Variants in PLCL1 observed in about 807,000 individuals in gnomAD.
PLCL1 encodes inactive phospholipase C-like protein 1.
A neutral mutation model predicts 84.4 loss-of-function variants in PLCL1; 41 were observed. The observed-to-expected ratio is 0.49, with a 90% CI of 0.38 to 0.63. The LOEUF (loss-of-function observed/expected upper bound fraction) is 0.63. Among genes scored for constraint, PLCL1 ranks in the 30% least tolerant of loss-of-function variants. The probability of loss-of-function intolerance (pLI) is 0.00; values close to 1 mark genes in which losing one functional copy is unlikely to be tolerated. For missense variants in PLCL1, 1,206 were observed against 1,367.8 expected (o/e 0.88, Z 1.87); for synonymous variants, 490 against 488.3 (o/e 1.00, Z -0.05).
intron 2 of PLCL1, among the ~76,000 whole-genome samples, chr2:198,086,655 G>A (rs1032426397): frequency 6.6e-6 from 1 of 152,122 alleles, no homozygotes; most frequent in African/African-American, 2.4e-5. Context: ...GTGTAAACCT[G>A]TGTACCATTG....
intron 1 of PLCL1, among the ~76,000 whole-genome samples, chr2:197,939,213 T>A (rs1350867412): frequency 6.6e-6 from 1 of 152,182 alleles, no homozygotes; most frequent in East Asian, 1.9e-4. Context: ...AAGCAACTGC[T>A]GCTTTCCTAA....
At chr2:198,089,923 T>C (rs2105902708) in intron 3 of PLCL1, among the ~76,000 whole-genome samples, 1 of 152,306 alleles carries the variant, frequency 6.6e-6, no homozygotes, top group Admixed American at 6.5e-5. Context: ...TTTTTTCTCT[T>C]TAAAAATAGT....
intron 5 of PLCL1, among the ~76,000 whole-genome samples, chr2:198,116,061 A>G (rs116018277): frequency 0.021 from 3,124 of 149,702 alleles, 94 homozygotes; most frequent in African/African-American, 0.072. Context: ...ATATATGTAT[A>G]TGTGTACATA....
chr2:197,922,796 C>A (rs1182349401), intron 1 of PLCL1, among the ~76,000 whole-genome samples: 3 of 131,608 alleles, frequency 2.3e-5, no homozygotes, highest in East Asian at 2.7e-4. Flanking sequence ...CCACCTCCCT[C>A]CCGGACGGGG....
chr2:197,956,842 T>G (rs896850694), intron 1 of PLCL1, among the ~76,000 whole-genome samples: 2 of 152,156 alleles, frequency 1.3e-5, no homozygotes, highest in Non-Finnish European at 1.5e-5. Flanking sequence ...ATGGGTAGAT[T>G]GCAAAAATTT....
At position 198,063,695 on chromosome 2, in the gene PLCL1, C is replaced by T. The variant is rs919919599; in HGVS notation, c.241-20063C>T. On this transcript the variant is annotated intron_variant, in intron 1 of 5. Transcript: ENST00000428675. ...ACATGACTAATGACATATTTGTAAA[C>T]TTAGTTTTCTAAGAAAGAAACATAG... 6.6e-5 allele frequency among the ~76,000 whole-genome samples: 10 copies of T among 152,126 alleles called. 1 individual carries two copies. The highest frequency in any genetic ancestry group is 2.4e-4 in the African/African-American group (10 of 41,416).
intron 1 of PLCL1, among the ~76,000 whole-genome samples, chr2:197,855,441 C>T (rs1412075764): frequency 1.3e-5 from 2 of 152,116 alleles, no homozygotes; most frequent in Non-Finnish European, 2.9e-5. Flanking sequence ...TTTGCTATGC[C>T]TTTGTCTGAT....
chr2:197,835,386 A>G (rs1691164768), intron 1 of PLCL1, among the ~76,000 whole-genome samples: 1 of 152,202 alleles, frequency 6.6e-6, no homozygotes, highest in African/African-American at 2.4e-5. Flanking sequence ...TAGTATATTC[A>G]CATTGTTATA....
chr2:197,850,325 C>G (rs1687210189), intron 1 of PLCL1, among the ~76,000 whole-genome samples: 1 of 152,152 alleles, frequency 6.6e-6, no homozygotes, highest in Non-Finnish European at 1.5e-5. Flanking sequence ...CCAGTTCAGA[C>G]AGTGAGCTAA....
At position 198,084,006 on chromosome 2, in the gene PLCL1, AAAAGAG is replaced by A; in HGVS notation, c.491_496del (p.Lys164_Glu165del). ...AAGCCAAGCTTGATATTTCTGCCATAAAAGAGATCAGACTGGGGAAAAACACGGAAA... is the reference window on the plus strand; with the variant it reads ...AAGCCAAGCTTGATATTTCTGCCATAATCAGACTGGGGAAAAACACGGAAA... On this transcript the variant is annotated inframe_deletion, in exon 2 of 6. Coordinates refer to ENST00000428675, the MANE Select transcript of PLCL1 (RefSeq NM_006226.4). 3 of 1,614,210 alleles carry A rather than the reference AAAAGAG, an allele frequency of 1.9e-6. No homozygotes were observed. The highest frequency in any genetic ancestry group is 2.5e-6 in the Non-Finnish European group (3 of 1,180,014).
chr2:198,042,324 G>A (rs1320455080), intron 1 of PLCL1, among the ~76,000 whole-genome samples: 1 of 152,130 alleles, frequency 6.6e-6, no homozygotes, highest in Admixed American at 6.5e-5. Flanking sequence ...ACCAACCTCT[G>A]TTTATGTAAA....
intron 5 of PLCL1, among the ~76,000 whole-genome samples, chr2:198,119,495 T>C (rs1693821589): frequency 6.6e-6 from 1 of 151,934 alleles, no homozygotes; most frequent in Admixed American, 6.6e-5. Context: ...GTTTTGGGAT[T>C]CCATGCCTTC....
At chr2:197,822,337 CT>C (rs1394362326) in intron 1 of PLCL1, among the ~76,000 whole-genome samples, 1 of 152,140 alleles carries the variant, frequency 6.6e-6, no homozygotes, top group Admixed American at 6.5e-5. Context: ...TGAAAAAATT[CT>C]TACGTTGAGC....
intron 3 of PLCL1, among the ~76,000 whole-genome samples, chr2:198,100,055 A>G (rs958839825): frequency 8.5e-5 from 13 of 152,186 alleles, no homozygotes; most frequent in Non-Finnish European, 1.5e-4. Context: ...GTTCAAAAAG[A>G]TAATTACAAG....
chr2:198,006,744 T>G (rs546463570), intron 1 of PLCL1, among the ~76,000 whole-genome samples: 71 of 152,320 alleles, frequency 4.7e-4, no homozygotes, highest in African/African-American at 1.6e-3. Context: ...ATTTCAAGAA[T>G]GAGACTAGAG....
intron 1 of PLCL1, among the ~76,000 whole-genome samples, chr2:198,070,694 A>T (rs963135781): frequency 1.3e-5 from 2 of 151,952 alleles, no homozygotes; most frequent in Non-Finnish European, 2.9e-5. Context: ...ATTTTAATAA[A>T]AATAATTTCA....
chr2:198,045,457 A>G (rs1691764967), intron 1 of PLCL1, among the ~76,000 whole-genome samples: 1 of 152,218 alleles, frequency 6.6e-6, no homozygotes, highest in Non-Finnish European at 1.5e-5. Context: ...TAATTTAGAT[A>G]GGTTGTCCTC....
intron 1 of PLCL1, among the ~76,000 whole-genome samples, chr2:197,962,519 G>A (rs956263334): frequency 9.9e-5 from 15 of 151,984 alleles, no homozygotes; most frequent in Non-Finnish European, 1.8e-4. Context: ...TTCGGTACAG[G>A]CACACATGCC....
intron 1 of PLCL1, among the ~76,000 whole-genome samples, chr2:197,972,679 G>C (rs748920092): frequency 1.3e-5 from 2 of 152,028 alleles, no homozygotes. Context: ...TAATCTGGAG[G>C]GTTTAGATGT....
Sources: allele counts gnomAD v4.1 joint callset (sites outside exome capture counted in the v4.1 genomes callset), GRCh38; gene constraint gnomAD v4.1.1; transcripts MANE v1.5; gene names NCBI Gene and HGNC (gene_info 2026-07-23, HGNC 2026-07-21).